The following ZBTB7C variants were observed in gnomAD, a reference collection of about 807,000 sequenced individuals.
The protein encoded by ZBTB7C is zinc finger and BTB domain-containing protein 7C.
A neutral mutation model predicts 25.7 loss-of-function variants in ZBTB7C; 8 were observed. That is an observed-to-expected ratio of 0.31 (90% CI 0.18 to 0.56). ZBTB7C has a LOEUF of 0.56. Ranked by LOEUF, ZBTB7C falls within the 20% of genes least tolerant of loss-of-function variation. The pLI is 0.91. For synonymous variants in ZBTB7C, 394 were observed against 369.0 expected (o/e 1.07, Z -0.78); for missense variants, 824 against 855.2 (o/e 0.96, Z 0.46).
chr18:48,197,410 G>T (rs1031204894), intron 2 of ZBTB7C, among the ~76,000 whole-genome samples: 3 of 152,160 alleles, frequency 2.0e-5, no homozygotes, highest in Admixed American at 1.3e-4. Flanking sequence ...AGCAGCCCCT[G>T]CTCCAGCCCT....
At chr18:48,167,927 C>G (rs1157659231) in intron 3 of ZBTB7C, among the ~76,000 whole-genome samples, 2 of 152,152 alleles carry the variant, frequency 1.3e-5, no homozygotes, top group South Asian at 2.1e-4. Flanking sequence ...AGGTGCCTGC[C>G]CACATAAAAC....
At chr18:48,292,737 G>A (rs1021123387) in intron 2 of ZBTB7C, among the ~76,000 whole-genome samples, 4 of 152,190 alleles carry the variant, frequency 2.6e-5, no homozygotes, top group Non-Finnish European at 5.9e-5. Flanking sequence ...CAATACCTGG[G>A]TATGACAAGA....
chr18:48,408,034 T>C (rs1199612657), intron 1 of ZBTB7C, among the ~76,000 whole-genome samples: 2 of 152,112 alleles, frequency 1.3e-5, no homozygotes, highest in African/African-American at 2.4e-5. Context: ...TAAGGGGTCT[T>C]CCCTTCCCAC....
chr18:48,279,033 C>CA (rs1379995178), intron 2 of ZBTB7C, among the ~76,000 whole-genome samples: 1 of 151,878 alleles, frequency 6.6e-6, no homozygotes, highest in Non-Finnish European at 1.5e-5. Context: ...AACTGCCTGG[C>CA]AGGGGAACTG....
chr18:48,032,987 G>A (rs1257748140), intron 4 of ZBTB7C, among the ~76,000 whole-genome samples: 6 of 152,234 alleles, frequency 3.9e-5, no homozygotes, highest in Non-Finnish European at 8.8e-5. Context: ...TTGACCCTGG[G>A]AATTCATTAT....
At chr18:48,155,131 A>G (rs1451618109) in intron 3 of ZBTB7C, among the ~76,000 whole-genome samples, 5 of 152,112 alleles carry the variant, frequency 3.3e-5, no homozygotes, top group Admixed American at 3.3e-4. Flanking sequence ...ATAGGAGCAA[A>G]TAGGCCCCAT....
chr18:48,341,702 C>T (rs771350948), intron 1 of ZBTB7C, among the ~76,000 whole-genome samples: 2 of 152,206 alleles, frequency 1.3e-5, no homozygotes, highest in African/African-American at 4.8e-5. Flanking sequence ...CTATTCAAAG[C>T]CGGGATCAGT....
chr18:48,218,629 A>G (rs1024842689), intron 2 of ZBTB7C, among the ~76,000 whole-genome samples: 5 of 152,114 alleles, frequency 3.3e-5, no homozygotes, highest in Admixed American at 3.3e-4. Context: ...CCACAAGTAC[A>G]TTTTCCATTT....
At chr18:48,147,404 C>T (rs2040527049) in intron 3 of ZBTB7C, among the ~76,000 whole-genome samples, 2 of 152,116 alleles carry the variant, frequency 1.3e-5, no homozygotes, top group African/African-American at 4.8e-5. Flanking sequence ...TAAACTATAC[C>T]ACTGAACGTA....
rs182989982 is a variant in ZBTB7C at position 48,124,026 on chromosome 18, C to T, written c.-17+61908G>A. On this transcript the variant is annotated intron_variant, in intron 3 of 4. Coordinates refer to ENST00000590800, the MANE Select transcript of ZBTB7C (RefSeq NM_001318841.2). Reference sequence around the variant, plus strand: ...CAGCCAGGAAATATGCCAATTAAGGCAAAGCTCTCTGTGAGGAATCATTTG... The same window carrying T: ...CAGCCAGGAAATATGCCAATTAAGGTAAAGCTCTCTGTGAGGAATCATTTG... Among the ~76,000 whole-genome samples the T allele has an allele frequency of 1.8e-4, 28 of 152,274 alleles. No homozygotes were observed. In the South Asian group the frequency reaches 3.3e-3, roughly 18 times the overall value.
intron 3 of ZBTB7C, among the ~76,000 whole-genome samples, chr18:48,072,158 G>T (rs772510535): frequency 5.3e-5 from 8 of 152,186 alleles, no homozygotes; most frequent in African/African-American, 9.7e-5. Context: ...GGCTGCATGG[G>T]ATATGAGGAA....
chr18:48,113,330 C>T (rs781640003), intron 3 of ZBTB7C, among the ~76,000 whole-genome samples: 1 of 152,214 alleles, frequency 6.6e-6, no homozygotes, highest in East Asian at 1.9e-4. Flanking sequence ...ACAAGTGAAA[C>T]TACCCCCATC....
At chr18:48,334,337 G>T (rs1420592030) in intron 2 of ZBTB7C, among the ~76,000 whole-genome samples, 1 of 152,132 alleles carries the variant, frequency 6.6e-6, no homozygotes, top group African/African-American at 2.4e-5. Context: ...CACCCCGGGG[G>T]ATAGAGCACC....
intron 1 of ZBTB7C, among the ~76,000 whole-genome samples, chr18:48,389,328 T>C (rs1454475011): frequency 7.6e-6 from 1 of 131,758 alleles, no homozygotes. Flanking sequence ...GATGGGGTTA[T>C]AGGAGAACAG....
intron 2 of ZBTB7C, among the ~76,000 whole-genome samples, chr18:48,189,447 CAG>C (rs1199952529): frequency 3.3e-5 from 5 of 151,986 alleles, no homozygotes; most frequent in African/African-American, 1.2e-4. Flanking sequence ...GCTTTGGAGA[CAG>C]GGGGAGACTG....
intron 2 of ZBTB7C, among the ~76,000 whole-genome samples, chr18:48,227,426 G>C (rs994730158): frequency 1.3e-5 from 2 of 152,196 alleles, no homozygotes; most frequent in African/African-American, 2.4e-5. Context: ...CCTTTCTGCC[G>C]TCCTCTAGTC....
intron 2 of ZBTB7C, among the ~76,000 whole-genome samples, chr18:48,196,277 A>G (rs2042315944): frequency 6.6e-6 from 1 of 152,222 alleles, no homozygotes; most frequent in Middle Eastern, 3.4e-3. Flanking sequence ...GGAGTGGGCT[A>G]TATCTCTCCA....
At chr18:48,130,818 C>T (rs1384235173) in intron 3 of ZBTB7C, among the ~76,000 whole-genome samples, 1 of 152,240 alleles carries the variant, frequency 6.6e-6, no homozygotes, top group Non-Finnish European at 1.5e-5. Context: ...TCACCACAAT[C>T]ACCTCCAAGC....
At chr18:48,055,688 G>A (rs186531376) in intron 3 of ZBTB7C, among the ~76,000 whole-genome samples, 2 of 152,184 alleles carry the variant, frequency 1.3e-5, no homozygotes, top group African/African-American at 4.8e-5. Flanking sequence ...CCAGCACCAA[G>A]GACTAGACTT....
Sources: allele counts gnomAD v4.1 joint callset (sites outside exome capture counted in the v4.1 genomes callset), GRCh38; gene constraint gnomAD v4.1.1; transcripts MANE v1.5; gene names NCBI Gene and HGNC (gene_info 2026-07-23, HGNC 2026-07-21).